ERC2: variants seen among roughly 807,000 people sequenced by gnomAD.
ERC2 encodes ERC protein 2.
A neutral mutation model predicts 114.8 loss-of-function variants in ERC2; 42 were observed. The observed-to-expected ratio is 0.37, with a 90% CI of 0.29 to 0.47. ERC2 has a LOEUF of 0.47. Ranked by LOEUF, ERC2 falls within the 20% of genes least tolerant of loss-of-function variation. ERC2 has a pLI of 0.99. For missense variants in ERC2, 939 were observed against 1,150.7 expected (o/e 0.82, Z 2.66); for synonymous variants, 454 against 425.5 (o/e 1.07, Z -0.82).
At chr3:56,119,009 G>A (rs1015796420) in intron 6 of ERC2, among the ~76,000 whole-genome samples, 1 of 152,170 alleles carries the variant, frequency 6.6e-6, no homozygotes, top group African/African-American at 2.4e-5. Flanking sequence ...TTTTGACCTT[G>A]CAGGATATCC....
chr3:56,421,524 C>T (rs1033632643), intron 2 of ERC2, among the ~76,000 whole-genome samples: 1 of 152,186 alleles, frequency 6.6e-6, no homozygotes, highest in East Asian at 1.9e-4. Context: ...AATTTGAAGT[C>T]GCAACAGCGC....
chr3:55,906,773 C>T (rs1383890163), intron 13 of ERC2, among the ~76,000 whole-genome samples: 1 of 152,158 alleles, frequency 6.6e-6, no homozygotes, highest in African/African-American at 2.4e-5. Context: ...GGCAAAGAGG[C>T]TGTGAACATT....
chr3:56,357,705 G>A (rs1308440098), intron 2 of ERC2, among the ~76,000 whole-genome samples: 2 of 150,594 alleles, frequency 1.3e-5, no homozygotes, highest in Non-Finnish European at 2.9e-5. Context: ...AAAGATCAAG[G>A]GCCATTGCAA....
chr3:55,690,307 TG>T (rs1420234101), intron 16 of ERC2, among the ~76,000 whole-genome samples: 1 of 152,140 alleles, frequency 6.6e-6, no homozygotes, highest in Non-Finnish European at 1.5e-5. Flanking sequence ...AAGTCAAACA[TG>T]ATCCCTATTA....
intron 10 of ERC2, chr3:56,002,988 G>A: frequency 1.5e-6 from 1 of 653,740 alleles, no homozygotes; most frequent in South Asian, 1.5e-5. Context: ...ACGGAAAGGG[G>A]AAGAAACTCA....
At chr3:56,172,714 C>A (rs1206984398) in intron 4 of ERC2, among the ~76,000 whole-genome samples, 1 of 152,086 alleles carries the variant, frequency 6.6e-6, no homozygotes, top group Non-Finnish European at 1.5e-5. Context: ...ATCCTTCTGG[C>A]AAAAACTGTA....
At chr3:56,160,578 T>C (rs2081991582) in intron 4 of ERC2, among the ~76,000 whole-genome samples, 3 of 152,220 alleles carry the variant, frequency 2.0e-5, no homozygotes, top group African/African-American at 7.2e-5. Context: ...TGGTGTTTCC[T>C]AGATTTTCTT....
At chr3:56,138,706 AG>A (rs1489417216) in intron 6 of ERC2, among the ~76,000 whole-genome samples, 1 of 152,224 alleles carries the variant, frequency 6.6e-6, no homozygotes, top group Non-Finnish European at 1.5e-5. Context: ...TAATGCACAC[AG>A]CACAGTGCCT....
At chr3:56,246,972 A>T (rs1424096102) in intron 3 of ERC2, among the ~76,000 whole-genome samples, 1 of 152,264 alleles carries the variant, frequency 6.6e-6, no homozygotes, top group African/African-American at 2.4e-5. Flanking sequence ...TGCCTACAGG[A>T]TGAATGGAAC....
intron 3 of ERC2, among the ~76,000 whole-genome samples, chr3:56,259,887 G>A (rs979821069): frequency 3.3e-5 from 5 of 152,134 alleles, no homozygotes; most frequent in Non-Finnish European, 7.3e-5. Flanking sequence ...AGAGCTATGG[G>A]TTGGCTGATG....
chr3:55,970,006 T>C (rs1259564832), intron 12 of ERC2, among the ~76,000 whole-genome samples: 3 of 152,138 alleles, frequency 2.0e-5, no homozygotes, highest in Admixed American at 2.0e-4. Context: ...AAGCATCCAT[T>C]TCAAAGGTAA....
chr3:55,583,497 TTCCCTCCC>T (rs1206804724), intron 17 of ERC2, among the ~76,000 whole-genome samples: 588 of 14,400 alleles, frequency 0.041, 52 homozygotes, highest in Non-Finnish European at 0.053. Context: ...CCCTCTCTCC[TTCCCTCCC>T]TCCCTCCCTC....
intron 2 of ERC2, among the ~76,000 whole-genome samples, chr3:56,331,276 C>T (rs968253825): frequency 1.3e-5 from 2 of 152,110 alleles, no homozygotes; most frequent in African/African-American, 2.4e-5. Context: ...CTGCCTTTAG[C>T]AAGAATCTCA....
chr3:56,181,973 T>C (rs2083312403), intron 3 of ERC2, among the ~76,000 whole-genome samples: 1 of 152,128 alleles, frequency 6.6e-6, no homozygotes, highest in Non-Finnish European at 1.5e-5. Flanking sequence ...TGCAACCTCA[T>C]AAGGGGCACT....
chr3:56,057,242 T>C (rs2076056072), intron 7 of ERC2, among the ~76,000 whole-genome samples: 1 of 152,240 alleles, frequency 6.6e-6, no homozygotes, highest in African/African-American at 2.4e-5. Context: ...ATTAAGTACA[T>C]TCATATTGTT....
chr3:56,131,286 A>C (rs1327796464), intron 6 of ERC2, among the ~76,000 whole-genome samples: 2 of 152,204 alleles, frequency 1.3e-5, no homozygotes, highest in Non-Finnish European at 2.9e-5. Flanking sequence ...ATGTGAAGCC[A>C]ACAGCAGGAT....
In ERC2 at chr3:56,080,093, G is replaced by C. The variant is rs756568885; in HGVS notation, c.1641+724C>G. On this transcript the variant is annotated intron_variant, in intron 7 of 17. Transcript: ENST00000288221. Reference sequence around the variant, plus strand: ...CTTCCCAACACATTTTATTTTTTTTGTAAAAGAGCAGCCATTGGTTTCTCT... The same window carrying C: ...CTTCCCAACACATTTTATTTTTTTTCTAAAAGAGCAGCCATTGGTTTCTCT... Among the ~76,000 whole-genome samples, 23 of 151,918 alleles carry C rather than the reference G, an allele frequency of 1.5e-4. No individual in the cohort carries two copies. In the Middle Eastern group the frequency reaches 0.014, roughly 90 times the overall value.
At position 56,249,622 on chromosome 3, in the gene ERC2, G is replaced by A. The variant is rs180949401; in HGVS notation, c.1074+46397C>T. ...ATTACAGGCGTGAACCACCGTGCCC[G>A]GCCTAATTCACCTGTTTAACCTTTC... On this transcript the variant is annotated intron_variant, in intron 3 of 17. Coordinates refer to ENST00000288221, the MANE Select transcript of ERC2 (RefSeq NM_015576.3). 2.1e-3 allele frequency among the ~76,000 whole-genome samples: 325 copies of A among 151,948 alleles called. 2 individuals are homozygous for A. The highest frequency in any genetic ancestry group is 7.3e-3 in the African/African-American group (301 of 41,408).
chr3:55,918,429 A>G (rs2065228917), intron 13 of ERC2, among the ~76,000 whole-genome samples: 1 of 152,148 alleles, frequency 6.6e-6, no homozygotes, highest in Non-Finnish European at 1.5e-5. Context: ...AAACTACCTT[A>G]CAGAGAAATT....
Sources: allele counts gnomAD v4.1 joint callset (sites outside exome capture counted in the v4.1 genomes callset), GRCh38; gene constraint gnomAD v4.1.1; transcripts MANE v1.5; gene names NCBI Gene and HGNC (gene_info 2026-07-23, HGNC 2026-07-21).